MTRF1L: variants seen among roughly 807,000 people sequenced by gnomAD.
MTRF1L encodes the protein peptide chain release factor 1-like, mitochondrial.
Under a neutral mutation model 40.0 loss-of-function variants are expected in MTRF1L, and 29 were observed. The ratio of observed to expected loss-of-function variants is 0.73; its 90% confidence interval spans 0.54 to 0.99. The LOEUF (loss-of-function observed/expected upper bound fraction) is 0.99. Ranked by LOEUF, MTRF1L falls within the 50% of genes least tolerant of loss-of-function variation. The pLI is 0.00. For synonymous variants in MTRF1L, 150 were observed against 175.8 expected, an observed-to-expected ratio of 0.85 and a Z score of 1.16; for missense variants, 412 against 464.5, an observed-to-expected ratio of 0.89 and a Z score of 1.04.
At chr6:152,996,356 T>G (rs1778713505) in intron 2 of MTRF1L, among the ~76,000 whole-genome samples, 1 of 152,198 alleles carries the variant, frequency 6.6e-6, no homozygotes, top group Non-Finnish European at 1.5e-5. Context: ...AATAATGGAT[T>G]TTACTTCTGT....
chr6:152,997,652 C>G (rs1319535239), intron 2 of MTRF1L, among the ~76,000 whole-genome samples: 1 of 152,076 alleles, frequency 6.6e-6, no homozygotes, highest in Non-Finnish European at 1.5e-5. Context: ...TATTGACATT[C>G]TAGGGGCCAA....
chr6:152,994,319 C>T (rs748970349), intron 4 of MTRF1L, among the ~76,000 whole-genome samples, 194 bp downstream of exon 4: 33 of 152,040 alleles, frequency 2.2e-4, no homozygotes, highest in Admixed American at 3.9e-4. Flanking sequence ...ACAGACAATG[C>T]AACATTGTAT....
At position 153,002,678 on chromosome 6, in the gene MTRF1L, G is replaced by A; in HGVS notation, c.8C>T (p.Ser3Phe). 2.0e-6 allele frequency: 3 copies of A among 1,488,310 alleles called. No homozygotes were observed. Among genetic ancestry groups the A allele is most frequent in the Non-Finnish European group, 2.7e-6 (3 of 1,124,442 alleles). 92.2% of individuals were successfully genotyped at this position (1,488,310 alleles called of 1,614,324 possible). A position where few individuals can be genotyped will look rare whatever the true frequency, so the allele number is the denominator to read the frequency against. ...CCGGGCAGCGCCCCACAGAACCCGG[G>A]ACCGCATCCTTAGTCCGAGATCGCG... MRSRVLWGAARWL... is the reference protein window; with the variant it reads MRFRVLWGAARWL... Residue 3 changes from serine (S) to phenylalanine (F), a missense_variant, in exon 1 of 7, where the codon TCC (serine) becomes TTC (phenylalanine). Physicochemically the swap from Ser to Phe is radical, Grantham distance 155. Transcript: ENST00000367233.
At chr6:152,998,065 A>G (rs564419269) in intron 2 of MTRF1L, among the ~76,000 whole-genome samples, 14 of 148,948 alleles carry the variant, frequency 9.4e-5, no homozygotes, top group African/African-American at 2.7e-4. Flanking sequence ...GTTTATATAT[A>G]TATTTTTTTA....
chr6:152,991,162 C>G (rs554146306), intron 6 of MTRF1L, 23 bp downstream of exon 6: 1 of 1,406,092 alleles, frequency 7.1e-7, no homozygotes, highest in South Asian at 1.4e-5. Context: ...CCTTTAAAAG[C>G]ATTTTTAAAA....
chr6:152,997,186 G>A (rs984968871), intron 2 of MTRF1L, among the ~76,000 whole-genome samples: 3 of 152,046 alleles, frequency 2.0e-5, no homozygotes, highest in African/African-American at 7.2e-5. Flanking sequence ...TGATGTTGAA[G>A]AAGAAGTCCA....
In MTRF1L at chr6:152,998,578, T is replaced by C; in HGVS notation, c.311A>G (p.Gln104Arg). The C allele has an allele frequency of 6.3e-7, 1 of 1,598,104 alleles. No individual in the cohort carries two copies. Residue 104 changes from glutamine to arginine, a missense_variant, in exon 2 of 7, where the codon CAA becomes CGA. Gln to Arg is a conservative substitution (Grantham distance 43, BLOSUM62 1). Coordinates refer to ENST00000367233, the MANE Select transcript of MTRF1L (RefSeq NM_019041.7). Reference sequence around the variant, plus strand: ...ATGCTTCAGCTGAGTTATTTCTTTTTGACACAAAGTGATTTCATTCTCTGC... The same window carrying C: ...ATGCTTCAGCTGAGTTATTTCTTTTCGACACAAAGTGATTTCATTCTCTGC... ...KLAENEITLC[Q>R]KEITQLKHQI... is the part of the protein sequence containing the mutation.
intron 4 of MTRF1L, among the ~76,000 whole-genome samples, chr6:152,993,524 A>G (rs895069344): frequency 6.6e-6 from 1 of 152,158 alleles, no homozygotes; most frequent in Non-Finnish European, 1.5e-5. Context: ...CCACCATCAA[A>G]AGCACTGTTT....
At chr6:153,002,031 T>G (rs1778935345) in intron 1 of MTRF1L, among the ~76,000 whole-genome samples, 1 of 152,254 alleles carries the variant, frequency 6.6e-6, no homozygotes, top group Non-Finnish European at 1.5e-5. Flanking sequence ...TTTACCCACG[T>G]ATAGGTCTGA....
At chr6:152,993,020 C>A (rs1180437475) in intron 4 of MTRF1L, 46 bp from the exon 5 acceptor site, 4 of 1,457,770 alleles carry the variant, frequency 2.7e-6, no homozygotes, top group Non-Finnish European at 3.8e-6. Flanking sequence ...CATGTATCAA[C>A]TTTATAAAGG....
At chr6:153,001,709 G>GT (rs1354542308) in intron 1 of MTRF1L, among the ~76,000 whole-genome samples, 2 of 152,142 alleles carry the variant, frequency 1.3e-5, no homozygotes, top group Admixed American at 6.5e-5. Flanking sequence ...AAAATGTTTT[G>GT]TGAGTCAGAA....
chr6:152,987,541 TA>T lies in MTRF1L; in HGVS notation c.*2353del, dbSNP rs1364550019. ...GGATGCAGGGGAGAAGTCAGGTGAC[TA>T]TTAGTCTGCGAAGTAATTCTGGACA... On this transcript the variant is annotated 3_prime_UTR_variant, in exon 7 of 7. Transcript: ENST00000367233. The T allele has an allele frequency of 6.6e-6, 1 of 152,154 alleles. No homozygotes were observed. Among genetic ancestry groups the T allele is most frequent in the African/African-American group, 2.4e-5 (1 of 41,420 alleles). The allele number at this position is 152,154 out of a possible 1,614,324, so 9.4% of individuals were successfully genotyped here. A position where few individuals can be genotyped will look rare whatever the true frequency, so the allele number is the denominator to read the frequency against.
intron 5 of MTRF1L, among the ~76,000 whole-genome samples, chr6:152,991,829 G>C (rs369029192): frequency 6.6e-6 from 1 of 152,186 alleles, no homozygotes; most frequent in African/African-American, 2.4e-5. Flanking sequence ...GATTACAGGC[G>C]TGAGCCACCG....
chr6:153,001,743 T>C (rs1019318856), intron 1 of MTRF1L, among the ~76,000 whole-genome samples: 2 of 152,198 alleles, frequency 1.3e-5, no homozygotes, highest in Admixed American at 6.5e-5. Context: ...CATTTCTTCT[T>C]TGGATTGTTT....
chr6:152,999,084 A>G (rs1461536930), intron 1 of MTRF1L, among the ~76,000 whole-genome samples: 1 of 152,198 alleles, frequency 6.6e-6, no homozygotes, highest in African/African-American at 2.4e-5. Flanking sequence ...TTATAAGCAA[A>G]TGTTTCATTA....
In MTRF1L at chr6:153,002,412, G is replaced by A; in HGVS notation, c.259+15C>T. On this transcript the variant is annotated intron_variant, in intron 1 of 6. Coordinates refer to ENST00000367233, the MANE Select transcript of MTRF1L (RefSeq NM_019041.7). ...GAATGTGCTCTGACGCCTCTCCCCC[G>A]GGCCCGACCCTTACCGTGCAGCAAG... The A allele has an allele frequency of 3.7e-6, 6 of 1,613,908 alleles. No individual in the cohort carries two copies. The highest frequency in any genetic ancestry group is 5.1e-6 in the Non-Finnish European group (6 of 1,179,852).
At chr6:152,990,134 G>A in intron 6 of MTRF1L, 39 bp from the exon 7 acceptor site, 1 of 1,595,254 alleles carries the variant, frequency 6.3e-7, no homozygotes, top group Non-Finnish European at 8.5e-7. Context: ...GCTAGATTCA[G>A]GGCAATTTAA....
At chr6:152,997,035 A>G (rs1293005264) in intron 2 of MTRF1L, among the ~76,000 whole-genome samples, 1 of 152,206 alleles carries the variant, frequency 6.6e-6, no homozygotes, top group East Asian at 1.9e-4. Context: ...AAATTGAAGC[A>G]AGAACAAACA....
Position 152,989,777 on chromosome 6 carries a change from A to C in MTRF1L, c.*118T>G. 1 of 1,168,768 alleles carries C rather than the reference A, an allele frequency of 8.6e-7. No homozygotes were observed. The highest frequency in any genetic ancestry group is 1.7e-5 in the South Asian group (1 of 59,390). The allele number at this position is 1,168,768 out of a possible 1,614,324, so 72.4% of individuals were successfully genotyped here. A position where few individuals can be genotyped will look rare whatever the true frequency, so the allele number is the denominator to read the frequency against. ...AATTATCTATGACTTCAGAATATGCATATTACCTCCAACTGTGTTAACTCA... is the reference window on the plus strand; with the variant it reads ...AATTATCTATGACTTCAGAATATGCCTATTACCTCCAACTGTGTTAACTCA... On this transcript the variant is annotated 3_prime_UTR_variant, in exon 7 of 7. Coordinates refer to ENST00000367233, the MANE Select transcript of MTRF1L (RefSeq NM_019041.7).
Sources: allele counts gnomAD v4.1 joint callset (sites outside exome capture counted in the v4.1 genomes callset), GRCh38; gene constraint gnomAD v4.1.1; transcripts MANE v1.5; gene names NCBI Gene and HGNC (gene_info 2026-07-23, HGNC 2026-07-21).